The following RBFOX1 variants were observed in gnomAD, a reference collection of about 807,000 sequenced individuals.
RBFOX1 encodes RNA binding protein fox-1 homolog 1.
In RBFOX1, 8 loss-of-function variants were observed where a neutral mutation model predicts 57.7. That is an observed-to-expected ratio of 0.14 (90% CI 0.08 to 0.25). The LOEUF (loss-of-function observed/expected upper bound fraction) is 0.25. Among genes scored for constraint, RBFOX1 ranks in the 10% least tolerant of loss-of-function variants. The pLI is 1.00. For synonymous variants in RBFOX1, 326 were observed against 222.4 expected, an observed-to-expected ratio of 1.47 and a Z score of -4.15; for missense variants, 611 against 548.5, an observed-to-expected ratio of 1.11 and a Z score of -1.14.
chr16:5,759,478 C>A (rs1041546246), intron 3 of RBFOX1, among the ~76,000 whole-genome samples: 1 of 152,230 alleles, frequency 6.6e-6, no homozygotes, highest in African/African-American at 2.4e-5. Flanking sequence ...TGTATCAGGG[C>A]ATTCAAATGC....
chr16:7,229,304 G>A (rs530089581), intron 4 of RBFOX1, among the ~76,000 whole-genome samples: 289 of 152,188 alleles, frequency 1.9e-3, no homozygotes, highest in Non-Finnish European at 3.3e-3. Context: ...ACCCTGAGAT[G>A]GCCCAAATTT....
intron 3 of RBFOX1, among the ~76,000 whole-genome samples, chr16:6,989,995 C>T (rs945033634): frequency 2.0e-5 from 3 of 152,228 alleles, no homozygotes; most frequent in Non-Finnish European, 4.4e-5. Context: ...GAGCGAGACT[C>T]TGTTTCACAC....
At chr16:7,040,474 T>G (rs75822215) in intron 3 of RBFOX1, among the ~76,000 whole-genome samples, 14,306 of 152,194 alleles carry the variant, frequency 0.094, 1,099 homozygotes, top group East Asian at 0.32. Context: ...AGTATGAATT[T>G]ATAAAACTGA....
chr16:7,193,484 C>T (rs2085930332), intron 4 of RBFOX1, among the ~76,000 whole-genome samples: 1 of 152,202 alleles, frequency 6.6e-6, no homozygotes, highest in Non-Finnish European at 1.5e-5. Context: ...TTTGTTACAG[C>T]AGCAGTATCA....
At chr16:5,666,546 C>G (rs1331590380) in intron 3 of RBFOX1, among the ~76,000 whole-genome samples, 3 of 152,152 alleles carry the variant, frequency 2.0e-5, no homozygotes, top group African/African-American at 4.8e-5. Flanking sequence ...TCTGTTGGAA[C>G]AGATAGATGA....
rs1268387919 is a variant in RBFOX1, at chr16:7,594,059, T to C, written c.469-1490T>C. 5.9e-5 allele frequency among the ~76,000 whole-genome samples: 9 copies of C among 152,108 alleles called. 1 individual carries two copies. Among genetic ancestry groups the C allele is most frequent in the Admixed American group, 4.6e-4 (7 of 15,262 alleles). On this transcript the variant is annotated intron_variant, in intron 7 of 15. Coordinates refer to ENST00000550418, the MANE Select transcript of RBFOX1 (RefSeq NM_018723.4). ...GTTACATAGGTATACGTGTGCCATATTGGTTTGCTGCACCCATCAACTAGT... is the reference window on the plus strand; with the variant it reads ...GTTACATAGGTATACGTGTGCCATACTGGTTTGCTGCACCCATCAACTAGT...
At chr16:7,499,825 A>T (rs2070063481) in intron 4 of RBFOX1, among the ~76,000 whole-genome samples, 1 of 152,120 alleles carries the variant, frequency 6.6e-6, no homozygotes, top group Non-Finnish European at 1.5e-5. Context: ...TGAGACAATT[A>T]ACTACAATAT....
intron 10 of RBFOX1, among the ~76,000 whole-genome samples, chr16:7,625,379 A>G (rs2059930103): frequency 6.6e-6 from 1 of 152,106 alleles, no homozygotes; most frequent in African/African-American, 2.4e-5. Flanking sequence ...GTTTCTTATT[A>G]CAGGAAAATT....
intron 4 of RBFOX1, among the ~76,000 whole-genome samples, chr16:7,246,633 C>CTTTTTTTTTTTTTTTTTTTTT (rs56654382): frequency 4.7e-5 from 5 of 105,502 alleles, no homozygotes; most frequent in African/African-American, 2.1e-4. Context: ...TGGTCACCTC[C>CTTTTTTTTTTTTTTTTTTTTT]TTTTTTTTTT....
In RBFOX1 at chr16:6,131,761, C is replaced by T. The variant is rs115952903; in HGVS notation, c.-127+111769C>T. Among the ~76,000 whole-genome samples the T allele has an allele frequency of 8.8e-3, 1,340 of 152,272 alleles. 23 individuals are homozygous for T. The highest frequency in any genetic ancestry group is 0.03 in the African/African-American group (1,245 of 41,550). ...CCTTCCTTGGAAAGTGAGAAAAATT[C>T]CTTCTCATCATAGTTATGTAATCAT... is the stretch of plus-strand genomic sequence containing the variant. On this transcript the variant is annotated intron_variant, in intron 1 of 15. Coordinates refer to ENST00000550418, the MANE Select transcript of RBFOX1 (RefSeq NM_018723.4).
At chr16:5,941,415 A>C (rs1427725936) in intron 4 of RBFOX1, among the ~76,000 whole-genome samples, 1 of 151,860 alleles carries the variant, frequency 6.6e-6, no homozygotes, top group Non-Finnish European at 1.5e-5. Flanking sequence ...ACTTGAGCCC[A>C]GGAGTTTGAC....
At position 6,455,929 on chromosome 16, in the gene RBFOX1, G is replaced by C. The variant is rs2094760598; in HGVS notation, c.-64+138872G>C. 2.0e-5 allele frequency among the ~76,000 whole-genome samples: 3 copies of C among 152,206 alleles called. No homozygotes were observed. The South Asian group carries it at 6.2e-4, about 32-fold the overall frequency. ...AAGAAAATATTCACAGAAATCTTAA[G>C]ATTTCATTTTTTCCAATTGATTAAG... is the stretch of plus-strand genomic sequence containing the variant. On this transcript the variant is annotated intron_variant, in intron 2 of 15. Transcript: ENST00000550418.
At chr16:5,976,264 A>G (rs562508900) in intron 4 of RBFOX1, among the ~76,000 whole-genome samples, 1 of 152,366 alleles carries the variant, frequency 6.6e-6, no homozygotes, top group East Asian at 1.9e-4. Context: ...CAAGAAAACA[A>G]CAGCAGCAAC....
At chr16:6,237,930 A>G (rs1267679595) in intron 1 of RBFOX1, among the ~76,000 whole-genome samples, 1 of 151,704 alleles carries the variant, frequency 6.6e-6, no homozygotes, top group Non-Finnish European at 1.5e-5. Flanking sequence ...GCCTCTACAA[A>G]AAGTACAAAA....
At chr16:6,447,784 T>G (rs1041016998) in intron 2 of RBFOX1, among the ~76,000 whole-genome samples, 6 of 152,210 alleles carry the variant, frequency 3.9e-5, no homozygotes, top group Non-Finnish European at 8.8e-5. Flanking sequence ...CTCAGTAAAT[T>G]AAACCTTTTA....
chr16:7,296,389 C>A (rs986547110), intron 4 of RBFOX1, among the ~76,000 whole-genome samples: 1 of 151,182 alleles, frequency 6.6e-6, no homozygotes, highest in South Asian at 2.1e-4. Flanking sequence ...AATTTAAAAG[C>A]TGTTAATTTT....
intron 5 of RBFOX1, among the ~76,000 whole-genome samples, chr16:7,572,786 C>T (rs898560532): frequency 2.6e-5 from 4 of 151,684 alleles, no homozygotes; most frequent in African/African-American, 9.7e-5. Flanking sequence ...TTGCAGTGAG[C>T]CAAGATGGAG....
intron 3 of RBFOX1, among the ~76,000 whole-genome samples, chr16:5,770,095 C>T (rs1321287914): frequency 2.6e-5 from 4 of 152,118 alleles, no homozygotes; most frequent in African/African-American, 2.4e-5. Context: ...TGGGTGATTA[C>T]GGGTTGTGGG....
intron 4 of RBFOX1, among the ~76,000 whole-genome samples, chr16:7,300,013 C>T (rs898870294): frequency 5.9e-5 from 9 of 152,104 alleles, no homozygotes; most frequent in African/African-American, 1.7e-4. Flanking sequence ...TTGGAAGGAG[C>T]GGGATGCAAG....
Sources: gnomAD v4.1 joint callset for allele counts (sites outside exome capture counted in the v4.1 genomes callset) on GRCh38, gnomAD v4.1.1 for gene constraint, MANE v1.5 for transcripts, NCBI Gene and HGNC (gene_info 2026-07-23, HGNC 2026-07-21) for gene names.